Variants in ZNF521 observed in about 807,000 individuals in gnomAD.
ZNF521 encodes the protein LYST-interacting protein 3.
ZNF521 carries 14 observed loss-of-function variants against 105.5 expected under a neutral mutation model. The observed-to-expected ratio is 0.13, with a 90% CI of 0.09 to 0.21. The LOEUF is 0.21. ZNF521 is among the 10% of genes least tolerant of loss of function. The pLI is 1.00. For synonymous variants in ZNF521, 635 were observed against 606.0 expected, an observed-to-expected ratio of 1.05 and a Z score of -0.70; for missense variants, 1,233 against 1,629.7, an observed-to-expected ratio of 0.76 and a Z score of 4.19.
At chr18:25,283,062 C>G (rs1033462447) in intron 3 of ZNF521, among the ~76,000 whole-genome samples, 1 of 152,218 alleles carries the variant, frequency 6.6e-6, no homozygotes, top group Non-Finnish European at 1.5e-5. Context: ...GCAGCTGGTA[C>G]CTCTTTCTGT....
chr18:25,350,499 G>A (rs1271489159), intron 2 of ZNF521, among the ~76,000 whole-genome samples: 1 of 152,174 alleles, frequency 6.6e-6, no homozygotes, highest in East Asian at 1.9e-4. Context: ...GAAAAAAGAA[G>A]CACCGCACGG....
At chr18:25,149,424 C>A (rs188797060) in intron 5 of ZNF521, among the ~76,000 whole-genome samples, 26 of 152,146 alleles carry the variant, frequency 1.7e-4, no homozygotes, top group Non-Finnish European at 2.8e-4. Flanking sequence ...GGTTGATATT[C>A]TTATAATTAT....
chr18:25,124,025 C>T (rs148893276), intron 5 of ZNF521, among the ~76,000 whole-genome samples: 1 of 152,198 alleles, frequency 6.6e-6, no homozygotes, highest in African/African-American at 2.4e-5. Flanking sequence ...AAATCTGTGT[C>T]CTGGCCCCAG....
chr18:25,201,794 T>C (rs751817409), intron 4 of ZNF521: 3 of 152,174 alleles, frequency 2.0e-5, no homozygotes, highest in Admixed American at 1.3e-4. Flanking sequence ...TAATACTAAC[T>C]TGCTGTATAG....
chr18:25,310,164 T>C (rs11083117), intron 3 of ZNF521, among the ~76,000 whole-genome samples: 28,365 of 152,082 alleles, frequency 0.19, 3,546 homozygotes, highest in African/African-American at 0.35. Flanking sequence ...GAAAGCCACA[T>C]AAGATGGATG....
At chr18:25,221,448 G>A (rs984015553) in intron 4 of ZNF521, among the ~76,000 whole-genome samples, 3 of 152,082 alleles carry the variant, frequency 2.0e-5, no homozygotes, top group Non-Finnish European at 2.9e-5. Context: ...AATGTTTACC[G>A]ATATTCTATG....
At chr18:25,241,347 T>C (rs1568030397) in intron 3 of ZNF521, among the ~76,000 whole-genome samples, 1 of 152,224 alleles carries the variant, frequency 6.6e-6, no homozygotes, top group Non-Finnish European at 1.5e-5. Flanking sequence ...CCTTGAAAAC[T>C]GTAGGCAGGA....
At position 25,225,825 on chromosome 18, in the gene ZNF521, C is replaced by G. The variant is rs1425140605; in HGVS notation, c.2093G>C (p.Ser698Thr). Residue 698 changes from serine (S) to threonine (T), a missense_variant, in exon 4 of 8, where the codon AGT (serine) becomes ACT (threonine). Ser to Thr is a moderately conservative substitution (Grantham distance 58, BLOSUM62 1). This residue lies in a region of ZNF521 where 614 missense variants were observed against 751.5 expected (regional missense o/e 0.82). Coordinates refer to ENST00000361524, the MANE Select transcript of ZNF521 (RefSeq NM_015461.3). The surrounding 1 kb of genome is among the most constrained non-coding windows in gnomAD (Gnocchi z 5.6). ...CACTGATGTGAATTGCTTGTCACAA[C>G]TCTCACAGATGTAATACGTTGAAGT... ...MITSTYYICE[S>T]CDKQFTSVDD... is the part of the protein sequence containing the mutation. 6.2e-7 allele frequency: 1 copy of G among 1,614,110 alleles called. No individual in the cohort carries two copies. Among genetic ancestry groups the G allele is most frequent in the Non-Finnish European group, 8.5e-7 (1 of 1,180,048 alleles).
intron 2 of ZNF521, chr18:25,327,643 A>G (rs774737693): frequency 1.9e-6 from 1 of 520,922 alleles, no homozygotes; most frequent in Non-Finnish European, 3.8e-6. Context: ...AAAGGGCGGG[A>G]TCATTATTTT....
At chr18:25,146,525 T>C (rs908001051) in intron 5 of ZNF521, among the ~76,000 whole-genome samples, 25 of 152,162 alleles carry the variant, frequency 1.6e-4, no homozygotes, top group African/African-American at 6.0e-4. Flanking sequence ...TTTTATGCCA[T>C]GACATTGGTT....
intron 4 of ZNF521, among the ~76,000 whole-genome samples, chr18:25,206,310 G>C (rs1275233969): frequency 6.6e-6 from 1 of 152,136 alleles, no homozygotes; most frequent in East Asian, 1.9e-4. Flanking sequence ...CACCGCGCCC[G>C]GCCCATTTTG....
intron 2 of ZNF521, among the ~76,000 whole-genome samples, chr18:25,343,728 T>C (rs1641551900): frequency 6.6e-6 from 1 of 152,032 alleles, no homozygotes; most frequent in Non-Finnish European, 1.5e-5. Context: ...ATGACAGGCA[T>C]ACACATTTTT....
chr18:25,147,151 T>C (rs962240375), intron 5 of ZNF521, among the ~76,000 whole-genome samples: 41 of 152,044 alleles, frequency 2.7e-4, no homozygotes, highest in African/African-American at 9.9e-4. Flanking sequence ...GCAAAGACAA[T>C]GATCAAAAAC....
intron 5 of ZNF521, among the ~76,000 whole-genome samples, chr18:25,169,579 C>G (rs553921926): frequency 2.6e-5 from 4 of 152,114 alleles, no homozygotes; most frequent in African/African-American, 4.8e-5. Context: ...TAAATACCAT[C>G]CCTTTACTTT....
At chr18:25,222,328 C>T (rs534986932) in intron 4 of ZNF521, among the ~76,000 whole-genome samples, 15 of 152,130 alleles carry the variant, frequency 9.9e-5, no homozygotes, top group Non-Finnish European at 1.8e-4. Flanking sequence ...TTCTCCTCAT[C>T]GAGTAATTCT....
At chr18:25,185,670 C>T (rs1006668363) in intron 5 of ZNF521, among the ~76,000 whole-genome samples, 8 of 152,094 alleles carry the variant, frequency 5.3e-5, no homozygotes, top group Admixed American at 2.6e-4. Flanking sequence ...AGCAGTGCAT[C>T]CCACCCTAAC....
At chr18:25,344,533 A>C (rs1914377603) in intron 2 of ZNF521, among the ~76,000 whole-genome samples, 2 of 152,178 alleles carry the variant, frequency 1.3e-5, no homozygotes, top group Admixed American at 1.3e-4. Context: ...ATGGAATTAG[A>C]AAGTTGCATG....
intron 4 of ZNF521, among the ~76,000 whole-genome samples, chr18:25,211,770 G>C (rs1709306187): frequency 6.6e-6 from 1 of 151,978 alleles, no homozygotes; most frequent in Non-Finnish European, 1.5e-5. Context: ...TATATTGTGT[G>C]GGCTTGTTTA....
intron 3 of ZNF521, among the ~76,000 whole-genome samples, chr18:25,267,177 G>T (rs539277569): frequency 3.3e-5 from 5 of 152,286 alleles, no homozygotes; most frequent in African/African-American, 1.2e-4. Flanking sequence ...CAAACTGGAC[G>T]GAGCCCACCG....
Sources: gnomAD v4.1 joint callset for allele counts (sites outside exome capture counted in the v4.1 genomes callset) on GRCh38, gnomAD v4.1.1 for gene constraint, gnomAD v4.1.1 regional missense constraint, Gnocchi (gnomAD v3.1) non-coding constraint, MANE v1.5 for transcripts, NCBI Gene and HGNC (gene_info 2026-07-23, HGNC 2026-07-21) for gene names.